NYAP2: variants seen among roughly 807,000 people sequenced by gnomAD.
NYAP2 encodes the protein neuronal tyrosine-phosphorylated phosphoinositide-3-kinase adapter 2.
In NYAP2, 23 loss-of-function variants were observed where a neutral mutation model predicts 50.4. The ratio of observed to expected loss-of-function variants is 0.46; its 90% CI spans 0.33 to 0.65. The LOEUF is 0.65. Among genes scored for constraint, NYAP2 ranks in the 30% least tolerant of loss-of-function variants. The pLI is 0.02. For missense variants in NYAP2, 885 were observed against 861.0 expected (o/e 1.03, Z -0.35); for synonymous variants, 394 against 365.2 (o/e 1.08, Z -0.90).
chr2:225,446,634 G>T (rs1230408580), intron 3 of NYAP2, among the ~76,000 whole-genome samples: 2 of 152,066 alleles, frequency 1.3e-5, no homozygotes, highest in Non-Finnish European at 2.9e-5. Context: ...CCTACAAATG[G>T]TGACAATCTT....
At chr2:225,425,142 CTG>C (rs1332604389) in intron 3 of NYAP2, among the ~76,000 whole-genome samples, 11 of 152,224 alleles carry the variant, frequency 7.2e-5, no homozygotes, top group African/African-American at 2.6e-4. Context: ...TGTCTGTGGA[CTG>C]GCCATGTAAT....
intron 3 of NYAP2, among the ~76,000 whole-genome samples, chr2:225,499,005 G>A (rs1352267921): frequency 1.3e-5 from 2 of 152,170 alleles, no homozygotes; most frequent in African/African-American, 2.4e-5. Context: ...TGAAAATCAC[G>A]TGGACAGGAT....
At chr2:225,612,834 A>G (rs1692922251) in intron 5 of NYAP2, among the ~76,000 whole-genome samples, 1 of 103,866 alleles carries the variant, frequency 9.6e-6, no homozygotes, top group African/African-American at 3.7e-5. Flanking sequence ...ATCACACCCA[A>G]TGTGTGTGAT....
intron 6 of NYAP2, among the ~76,000 whole-genome samples, chr2:225,645,076 A>G (rs947601392): frequency 6.6e-6 from 1 of 152,132 alleles, no homozygotes; most frequent in African/African-American, 2.4e-5. Flanking sequence ...CTTGGCCAAC[A>G]TGGTGAAACC....
At chr2:225,457,495 C>T (rs1213989247) in intron 3 of NYAP2, among the ~76,000 whole-genome samples, 2 of 152,138 alleles carry the variant, frequency 1.3e-5, no homozygotes, top group Non-Finnish European at 2.9e-5. Context: ...TAACACTAGA[C>T]AGCAGACACT....
chr2:225,625,529 TGA>T (rs1438825122), intron 5 of NYAP2, among the ~76,000 whole-genome samples: 1 of 152,064 alleles, frequency 6.6e-6, no homozygotes, highest in African/African-American at 2.4e-5. Flanking sequence ...ATACTTAAAT[TGA>T]GTTACCAGGA....
chr2:225,600,186 G>A (rs1342235824), intron 5 of NYAP2, among the ~76,000 whole-genome samples: 1 of 152,150 alleles, frequency 6.6e-6, no homozygotes, highest in Non-Finnish European at 1.5e-5. Flanking sequence ...GGTCGAAGAT[G>A]AAATCATAGG....
chr2:225,406,996 C>A (rs1338150542), intron 2 of NYAP2, among the ~76,000 whole-genome samples: 2 of 151,912 alleles, frequency 1.3e-5, no homozygotes, highest in Non-Finnish European at 2.9e-5. Flanking sequence ...TGCTAGAGGG[C>A]AAAGAAGGAG....
intron 5 of NYAP2, among the ~76,000 whole-genome samples, chr2:225,595,379 A>G (rs1252918459): frequency 6.6e-6 from 1 of 152,228 alleles, no homozygotes; most frequent in Non-Finnish European, 1.5e-5. Flanking sequence ...AAAAGGATTT[A>G]GTTGTTAGTA....
chr2:225,621,555 A>T (rs894680642), intron 5 of NYAP2, among the ~76,000 whole-genome samples: 2 of 152,190 alleles, frequency 1.3e-5, no homozygotes, highest in African/African-American at 4.8e-5. Context: ...GATTGATTAT[A>T]CAACAAAATG....
rs376429827 is a variant in NYAP2, at chr2:225,582,576, G to C, written c.1159G>C (p.Val387Leu). The change falls in exon 5 of 7, where the codon GTC becomes CTC. Residue 387 changes from valine (V) to leucine (L), a missense_variant. Val to Leu is a conservative substitution (Grantham distance 32). Transcript: ENST00000636099. The surrounding 1 kb of genome is among the most constrained non-coding windows in gnomAD (Gnocchi z 7.0). Reference sequence around the variant, plus strand: ...GTCGCCCTCCACGCTGCCGTCCCACGTCCCCGGCCATGCGAAACTGGAGAA... The same window carrying C: ...GTCGCCCTCCACGCTGCCGTCCCACCTCCCCGGCCATGCGAAACTGGAGAA... 1.3e-6 allele frequency: 2 copies of C among 1,596,248 alleles called. No individual in the cohort carries two copies. The highest frequency in any genetic ancestry group is 1.7e-6 in the Non-Finnish European group (2 of 1,171,776).
chr2:225,693,507 A>C, the NYAP2 span, among the ~76,000 whole-genome samples: 3 of 152,062 alleles, frequency 2.0e-5, no homozygotes, highest in Non-Finnish European at 2.9e-5. Context: ...GCCAGAACAG[A>C]ATACTATACA....
chr2:225,582,361 C>G lies in NYAP2; in HGVS notation c.944C>G (p.Pro315Arg), dbSNP rs190060915. 230 of 1,612,502 alleles carry G rather than the reference C, an allele frequency of 1.4e-4. No homozygotes were observed. Among genetic ancestry groups the G allele is most frequent in the Admixed American group, 2.5e-4 (15 of 59,998 alleles). The change falls in exon 5 of 7, where the codon CCC (proline) becomes CGC (arginine). Residue 315 changes from proline to arginine, a missense_variant. Physicochemically the swap from Pro to Arg is moderately radical, Grantham distance 103. Coordinates refer to ENST00000636099, the Ensembl canonical transcript of NYAP2. The surrounding 1 kb of genome is among the most constrained non-coding windows in gnomAD (Gnocchi z 7.0). ...GCCAAGGCCTCAGTGCCATGCCCCC[C>G]CAAGGGGCTGCTTTGCGACATCCCT... is the stretch of plus-strand genomic sequence containing the variant.
the NYAP2 span, among the ~76,000 whole-genome samples, chr2:225,675,357 T>C: frequency 6.6e-6 from 1 of 152,078 alleles, no homozygotes; most frequent in South Asian, 2.1e-4. Flanking sequence ...TCATGTGTAG[T>C]CACTGTTTAG....
rs79179276 is a variant in NYAP2, at chr2:225,418,208, G to A, written c.221+9107G>A. Among the ~76,000 whole-genome samples the A allele has an allele frequency of 4.0e-3, 607 of 152,266 alleles. 5 individuals carry two copies. Among genetic ancestry groups the A allele is most frequent in the African/African-American group, 0.013 (521 of 41,560 alleles). On this transcript the variant is annotated intron_variant, in intron 3 of 6. Coordinates refer to ENST00000636099, the Ensembl canonical transcript of NYAP2. ...TGGAGAGAAAAGGTCGTAATGGGGA[G>A]CATTCACAGCACATAGAAGGTCCCT... is the stretch of plus-strand genomic sequence containing the variant.
chr2:225,526,983 T>C (rs143989922), intron 4 of NYAP2, among the ~76,000 whole-genome samples: 200 of 152,242 alleles, frequency 1.3e-3, no homozygotes, highest in African/African-American at 4.6e-3. Flanking sequence ...GCATCTACCA[T>C]GTGTGATCTT....
At chr2:225,489,289 G>T (rs1246677091) in intron 3 of NYAP2, among the ~76,000 whole-genome samples, 1 of 152,012 alleles carries the variant, frequency 6.6e-6, no homozygotes, top group Non-Finnish European at 1.5e-5. Context: ...CACCTCCTGT[G>T]TTCAAGCAAT....
chr2:225,698,099 G>A, the NYAP2 span, among the ~76,000 whole-genome samples: 1 of 151,858 alleles, frequency 6.6e-6, no homozygotes, highest in African/African-American at 2.4e-5. Flanking sequence ...GATCACTTGA[G>A]CCCAGGAGGT....
intron 5 of NYAP2, among the ~76,000 whole-genome samples, chr2:225,606,937 T>C (rs1574706089): frequency 6.6e-6 from 1 of 152,126 alleles, no homozygotes; most frequent in Non-Finnish European, 1.5e-5. Context: ...GGATATTTTG[T>C]ATGTAAAACC....
Sources: allele counts gnomAD v4.1 joint callset (sites outside exome capture counted in the v4.1 genomes callset), GRCh38; gene constraint gnomAD v4.1.1; non-coding constraint Gnocchi (gnomAD v3.1); transcripts MANE v1.5; gene names NCBI Gene and HGNC (gene_info 2026-07-23, HGNC 2026-07-21).